GTF3C3: variants seen among roughly 807,000 people sequenced by gnomAD.
GTF3C3 encodes general transcription factor IIIC subunit 3.
Under a neutral mutation model 105.2 loss-of-function variants are expected in GTF3C3, and 75 were observed. The observed-to-expected ratio is 0.71, with a 90% CI of 0.59 to 0.86. GTF3C3 has a LOEUF of 0.86. Ranked by LOEUF, GTF3C3 falls within the 40% of genes least tolerant of loss-of-function variation. GTF3C3 has a pLI of 0.00. For missense variants in GTF3C3, 856 were observed against 1,076.5 expected, an observed-to-expected ratio of 0.80 and a Z score of 2.87; for synonymous variants, 335 against 370.4, an observed-to-expected ratio of 0.90 and a Z score of 1.10.
chr2:196,786,538 C>T lies in GTF3C3; in HGVS notation c.894-950G>A, dbSNP rs903545441. 2.0e-5 allele frequency among the ~76,000 whole-genome samples: 3 copies of T among 150,732 alleles called. No individual in the cohort carries two copies. The highest frequency in any genetic ancestry group is 7.5e-5 in the African/African-American group (3 of 40,102). ...TTTATCAAGGATAAATAATTGTATA[C>T]ATGAAAATAACCCCTAGTTTGATCC... On this transcript the variant is annotated intron_variant, in intron 6 of 17. Coordinates refer to ENST00000263956, the MANE Select transcript of GTF3C3 (RefSeq NM_012086.5). The surrounding 1 kb of genome is among the most constrained non-coding windows in gnomAD (Gnocchi z 4.2).
chr2:196,789,894 A>G lies in GTF3C3; in HGVS notation c.712T>C (p.Phe238Leu), dbSNP rs1430727996. 1 of 1,580,510 alleles carries G rather than the reference A, an allele frequency of 6.3e-7. No homozygotes were observed. Among genetic ancestry groups the G allele is most frequent in the African/African-American group, 1.4e-5 (1 of 72,718 alleles). The change falls in exon 5 of 18, where the codon TTT (phenylalanine) becomes CTT (leucine). Residue 238 changes from phenylalanine (F) to leucine (L), a missense_variant. Physicochemically the swap from Phe to Leu is conservative, Grantham distance 22 (BLOSUM62 0). This residue lies in a region of GTF3C3 where 605 missense variants were observed against 833.6 expected (regional missense o/e 0.73). Transcript: ENST00000263956. ...LEQDNIKQAI[F>L]CYTKALKYEP... ...TTTTAATTACCTTTTGTATAGCAAA[A>G]AATAGCCTGCTTAATATTGTCTTGT...
chr2:196,776,008 A>T lies in GTF3C3; in HGVS notation c.1695+2T>A. 6.9e-7 allele frequency: 1 copy of T among 1,454,308 alleles called. No individual in the cohort carries two copies. Among genetic ancestry groups the T allele is most frequent in the Non-Finnish European group, 9.4e-7 (1 of 1,059,842 alleles). The allele number at this position is 1,454,308 out of a possible 1,614,324, so 90.1% of individuals were successfully genotyped here. A position where few individuals can be genotyped will look rare whatever the true frequency, so the allele number is the denominator to read the frequency against. On this transcript the variant is annotated splice_donor_variant, in intron 12 of 17. Transcript: ENST00000263956. LOFTEE classifies it high-confidence loss of function. The surrounding 1 kb of genome is among the most constrained non-coding windows in gnomAD (Gnocchi z 4.5). Reference sequence around the variant, plus strand: ...CTAACATAAAGAAAGATCATTACCCACCTTTAAAAGCATGGCTAACATAGT... The same window carrying T: ...CTAACATAAAGAAAGATCATTACCCTCCTTTAAAAGCATGGCTAACATAGT...
chr2:196,779,612 CACA>C (rs1699312797), intron 9 of GTF3C3, among the ~76,000 whole-genome samples: 1 of 152,210 alleles, frequency 6.6e-6, no homozygotes, highest in Non-Finnish European at 1.5e-5. Context: ...GTCTAACCAG[CACA>C]ACGTCTTGTG....
intron 1 of GTF3C3, chr2:196,799,283 A>G (rs1699704930): frequency 4.0e-6 from 2 of 496,952 alleles, no homozygotes; most frequent in Non-Finnish European, 7.2e-6. Flanking sequence ...ATTGGGGGAA[A>G]AAGAAGAGGT....
rs1448842833 is a variant in GTF3C3 at position 196,771,802 on chromosome 2, A to C, written c.2206T>G (p.Cys736Gly). ...AATGCATTGTGTCCATTTAAGACAC[A>C]TAGGGCATGATTTTCTGGGTTTTTC... ...MLKNPENHAL[C>G]VLNGHNAFVS... The change falls in exon 15 of 18, where the codon TGT becomes GGT. Residue 736 changes from cysteine to glycine, a missense_variant. This residue lies in a region of GTF3C3 where 605 missense variants were observed against 833.6 expected (regional missense o/e 0.73). Coordinates refer to ENST00000263956, the MANE Select transcript of GTF3C3 (RefSeq NM_012086.5). 1.2e-6 allele frequency: 2 copies of C among 1,613,598 alleles called. No homozygotes were observed. Among genetic ancestry groups the C allele is most frequent in the Non-Finnish European group, 1.7e-6 (2 of 1,179,468 alleles).
At chr2:196,769,319 C>G (rs1699128717) in intron 16 of GTF3C3, among the ~76,000 whole-genome samples, 1 of 152,120 alleles carries the variant, frequency 6.6e-6, no homozygotes, top group Non-Finnish European at 1.5e-5. Flanking sequence ...AAAGACATGT[C>G]TATACCATAT....
At chr2:196,778,036 GCTCT>G (rs1275960584) in intron 10 of GTF3C3, 1 of 152,118 alleles carries the variant, frequency 6.6e-6, no homozygotes, top group Admixed American at 6.6e-5. Context: ...ATCATTAAGT[GCTCT>G]CTTTCCTAGC....
At chr2:196,771,707 CA>C in intron 15 of GTF3C3, 40 bp downstream of exon 15, 1 of 1,394,560 alleles carries the variant, frequency 7.2e-7, no homozygotes, top group Non-Finnish European at 1.0e-6. Context: ...CTCTTCACCA[CA>C]CTATTTATGC....
rs1699073609 is a variant in GTF3C3, at chr2:196,766,605, T to C, written c.2498A>G (p.Tyr833Cys). Residue 833 changes from tyrosine (Y) to cysteine (C), a missense_variant, in exon 17 of 18, where the codon TAT (tyrosine) becomes TGT (cysteine). Around this residue, in one of 3 missense-constraint regions of GTF3C3, gnomAD observed 134 missense variants for 128.9 expected, o/e 1.04. Coordinates refer to ENST00000263956, the MANE Select transcript of GTF3C3 (RefSeq NM_012086.5). ...QLGLIHLAIH[Y>C]YQKALELPPL... ...AGGGAGCTCCAGGGCCTTCTGATAA[T>C]AGTGGATTGCAAGATGAATCAGCCC... 6.2e-7 allele frequency: 1 copy of C among 1,612,970 alleles called. No individual in the cohort carries two copies. Among genetic ancestry groups the C allele is most frequent in the Non-Finnish European group, 8.5e-7 (1 of 1,179,178 alleles).
At chr2:196,793,213 C>A in intron 2 of GTF3C3, 61 bp from the exon 3 acceptor site, 2 of 1,204,564 alleles carry the variant, frequency 1.7e-6, no homozygotes, top group Admixed American at 4.7e-5. Context: ...CAGTGAAAAA[C>A]AAGTATTTTC....
At chr2:196,781,206 G>C (rs1699343562) in intron 8 of GTF3C3, among the ~76,000 whole-genome samples, 1 of 147,254 alleles carries the variant, frequency 6.8e-6, no homozygotes, top group African/African-American at 2.5e-5. Flanking sequence ...TATCCTAAGT[G>C]GTGAAATAAA....
rs1057339117 is a variant in GTF3C3, at chr2:196,764,002, C to T, written c.*561G>A. Reference sequence around the variant, plus strand: ...GCAATATATTTTGAATTAAGCCCAGCCTCCCATGTTTCAGTTTAGGTAGCT... The same window carrying T: ...GCAATATATTTTGAATTAAGCCCAGTCTCCCATGTTTCAGTTTAGGTAGCT... On this transcript the variant is annotated 3_prime_UTR_variant, in exon 18 of 18. Coordinates refer to ENST00000263956, the MANE Select transcript of GTF3C3 (RefSeq NM_012086.5). 6.6e-6 allele frequency: 1 copy of T among 152,120 alleles called. No homozygotes were observed. Among genetic ancestry groups the T allele is most frequent in the South Asian group, 2.1e-4 (1 of 4,832 alleles). The allele number at this position is 152,120 out of a possible 1,614,324, so 9.4% of individuals were successfully genotyped here.
chr2:196,764,084 A>ATAAC lies in GTF3C3; in HGVS notation c.*475_*478dup, dbSNP rs1490217233. The ATAAC allele has an allele frequency of 7.2e-5, 11 of 152,390 alleles. No homozygotes were observed. The highest frequency in any genetic ancestry group is 2.4e-4 in the African/African-American group (10 of 41,588). 9.4% of individuals were successfully genotyped at this position (152,390 alleles called of 1,614,324 possible). On this transcript the variant is annotated 3_prime_UTR_variant, in exon 18 of 18. Coordinates refer to ENST00000263956, the MANE Select transcript of GTF3C3 (RefSeq NM_012086.5). Reference sequence around the variant, plus strand: ...AATTATTTGTCTTTCTGCCTACCACATAACTATTTTAAATAATTTTCTTAG... The same window carrying ATAAC: ...AATTATTTGTCTTTCTGCCTACCACATAACTAACTATTTTAAATAATTTTCTTAG...
intron 16 of GTF3C3, among the ~76,000 whole-genome samples, chr2:196,768,135 A>G (rs1699102801): frequency 6.6e-6 from 1 of 152,078 alleles, no homozygotes; most frequent in Admixed American, 6.5e-5. Flanking sequence ...CTCCTGCCTC[A>G]GCCTCCCGAG....
intron 4 of GTF3C3, 84 bp from the exon 5 acceptor site, chr2:196,790,154 C>A (rs770189320): frequency 4.8e-5 from 39 of 810,870 alleles, no homozygotes; most frequent in Non-Finnish European, 7.1e-5. Context: ...AACTGTATGT[C>A]TTTTTTTTAA....
intron 8 of GTF3C3, among the ~76,000 whole-genome samples, chr2:196,782,206 G>A (rs749468486): frequency 8.5e-5 from 13 of 152,132 alleles, no homozygotes; most frequent in African/African-American, 2.9e-4. Context: ...CTTTTGCCAC[G>A]TGAGGACACA....
chr2:196,799,543 C>A lies in GTF3C3; in HGVS notation c.69G>T (p.Arg23=). 6.2e-7 allele frequency: 1 copy of A among 1,614,126 alleles called. No individual in the cohort carries two copies. The highest frequency in any genetic ancestry group is 8.5e-7 in the Non-Finnish European group (1 of 1,179,986). The stretch of plus-strand genomic sequence containing the variant: ...CGCGGGTTTTTCTCTCTTCTCTCCG[C>A]CGTTCGAACTCCTCAAAGGAGATTT... The part of the protein sequence containing the change: ...EGKISFEEFE[R]RREERKTREK... Residue 23 remains arginine (R), a synonymous_variant, in exon 1 of 18, where the codon CGG becomes CGT. Coordinates refer to ENST00000263956, the MANE Select transcript of GTF3C3 (RefSeq NM_012086.5).
rs1037591926 is a variant in GTF3C3, at chr2:196,776,076, C to A, written c.1629G>T (p.Leu543Phe). The A allele has an allele frequency of 6.3e-7, 1 of 1,596,506 alleles. No individual in the cohort carries two copies. Among genetic ancestry groups the A allele is most frequent in the Non-Finnish European group, 8.6e-7 (1 of 1,169,352 alleles). ...AACCATACATTTTGCCTTGTGAAAA[C>A]AACAGAGTAGAACGATGAAGCAATA... ...LKLLLHRSTLLFSQGKMYGYV... is the reference protein window; with the variant it reads ...LKLLLHRSTLFFSQGKMYGYV... Residue 543 changes from leucine (L) to phenylalanine (F), a missense_variant, in exon 12 of 18, where the codon TTG (leucine) becomes TTT (phenylalanine). This residue lies in a region of GTF3C3 where 605 missense variants were observed against 833.6 expected (regional missense o/e 0.73). Transcript: ENST00000263956. This position sits in a 1 kb window ranked among gnomAD's most constrained non-coding sequence, Gnocchi z 4.5.
At chr2:196,791,942 A>T (rs1452438034) in intron 3 of GTF3C3, 1 of 152,040 alleles carries the variant, frequency 6.6e-6, no homozygotes, top group African/African-American at 2.4e-5. Context: ...CTCATTTAAA[A>T]AAAAAAAAAA....
Sources: allele counts gnomAD v4.1 joint callset (sites outside exome capture counted in the v4.1 genomes callset), GRCh38; gene constraint gnomAD v4.1.1; regional missense constraint gnomAD v4.1.1; non-coding constraint Gnocchi (gnomAD v3.1); transcripts MANE v1.5; gene names NCBI Gene and HGNC (gene_info 2026-07-23, HGNC 2026-07-21).